Variants in SEC16A observed in about 807,000 individuals in gnomAD.
SEC16A encodes protein transport protein Sec16A.
Under a neutral mutation model 221.9 loss-of-function variants are expected in SEC16A, and 110 were observed. That is an observed-to-expected ratio of 0.50 (90% CI 0.42 to 0.58). The LOEUF (loss-of-function observed/expected upper bound fraction) is 0.58. Among genes scored for constraint, SEC16A ranks in the 20% least tolerant of loss-of-function variants. The pLI is 0.00. For missense variants in SEC16A, 3,165 were observed against 3,097.8 expected, an observed-to-expected ratio of 1.02 and a Z score of -0.52; for synonymous variants, 1,393 against 1,257.7, an observed-to-expected ratio of 1.11 and a Z score of -2.28.
At chr9:136,464,358 C>T in intron 9 of SEC16A, 62 bp downstream of exon 9, 1 of 1,496,108 alleles carries the variant, frequency 6.7e-7, no homozygotes, top group South Asian at 1.3e-5. Flanking sequence ...TGACAAACTG[C>T]AAAGCAGAGA....
In SEC16A at chr9:136,454,084, C is replaced by G. The variant is rs767578481; in HGVS notation, c.6076+25G>C. 2.9e-5 allele frequency: 45 copies of G among 1,540,274 alleles called. No homozygotes were observed. The Admixed American group carries it at 8.2e-4, about 28-fold the overall frequency. ...CCACACCCCATGCTGCTTCTGCTCT[C>G]GAGACAGCATCTCTGCAGCCCCACC... On this transcript the variant is annotated intron_variant, in intron 21 of 31. Transcript: ENST00000684901.
chr9:136,453,054 A>G (rs944677398), intron 22 of SEC16A, among the ~76,000 whole-genome samples: 1 of 147,574 alleles, frequency 6.8e-6, no homozygotes, highest in Non-Finnish European at 1.5e-5. Context: ...TGGGCGACAG[A>G]GCAAGAATCT....
intron 4 of SEC16A, among the ~76,000 whole-genome samples, chr9:136,471,371 G>A (rs142301806): frequency 2.2e-4 from 34 of 152,284 alleles, no homozygotes; most frequent in African/African-American, 7.7e-4. Context: ...CTCCTCGGGA[G>A]GTTGAAGTGG....
chr9:136,474,453 C>G lies in SEC16A; in HGVS notation c.3163G>C (p.Glu1055Gln), dbSNP rs553149111. 21 of 1,613,072 alleles carry G rather than the reference C, an allele frequency of 1.3e-5. No homozygotes were observed. In the East Asian group the frequency reaches 4.2e-4, roughly 33 times the overall value. The change falls in exon 3 of 32, where the codon GAA (glutamate) becomes CAA (glutamine). Residue 1055 changes from glutamate to glutamine, a missense_variant. By Grantham distance (29) the Glu-to-Gln change is conservative. This residue lies in a region of SEC16A where 2,030 missense variants were observed against 1,923.1 expected (regional missense o/e 1.06). Coordinates refer to ENST00000684901, the MANE Select transcript of SEC16A (RefSeq NM_014866.2). ...GGCACCAGCTCCTGCTGGGCTCTTT[C>G]GAGGCCAGGCTGGCCCTGGGCATCT... ...TKDAQGQPGLERAQQELVPPQ... is the reference protein window; with the variant it reads ...TKDAQGQPGLQRAQQELVPPQ...
intron 17 of SEC16A, among the ~76,000 whole-genome samples, chr9:136,458,790 G>A (rs1839076257): frequency 6.6e-6 from 1 of 152,060 alleles, no homozygotes; most frequent in Non-Finnish European, 1.5e-5. Context: ...AGTGTGGCAT[G>A]GTAGTGCTGC....
rs73670283 is a variant in SEC16A at position 136,470,621 on chromosome 9, G to A, written c.3704+1354C>T. ...CAGAGAGGTGAAGCCTCACAGTGCC[G>A]CCTGCTTCACAAAGCACCTCCAACA... On this transcript the variant is annotated intron_variant, in intron 4 of 31. Coordinates refer to ENST00000684901, the MANE Select transcript of SEC16A (RefSeq NM_014866.2). 2.5e-3 allele frequency among the ~76,000 whole-genome samples: 376 copies of A among 152,256 alleles called. 2 individuals carry two copies. Among genetic ancestry groups the A allele is most frequent in the African/African-American group, 8.6e-3 (359 of 41,538 alleles).
At chr9:136,457,010 A>T (rs918726554) in intron 18 of SEC16A, among the ~76,000 whole-genome samples, 1 of 152,102 alleles carries the variant, frequency 6.6e-6, no homozygotes, top group Non-Finnish European at 1.5e-5. Context: ...CATCTCTACT[A>T]AAAATACAAA....
At position 136,451,407 on chromosome 9, in the gene SEC16A, G is replaced by C. The variant is rs780177096; in HGVS notation, c.6161C>G (p.Thr2054Ser). ...ENFDGKFANLTPSRTVPDSEA... is the reference protein window; with the variant it reads ...ENFDGKFANLSPSRTVPDSEA... Reference sequence around the variant, plus strand: ...CGAGTCTGGCACCGTCCTCGAGGGGGTCTGTCGCAAGGAAATGCAGAACAG... The same window carrying C: ...CGAGTCTGGCACCGTCCTCGAGGGGCTCTGTCGCAAGGAAATGCAGAACAG... The change falls in exon 23 of 32, where the codon ACC (threonine) becomes AGC (serine). Residue 2054 changes from threonine (T) to serine (S), a missense_variant and splice_region_variant. This residue lies in a region of SEC16A where 1,088 missense variants were observed against 1,089.6 expected (regional missense o/e 1.00). Coordinates refer to ENST00000684901, the MANE Select transcript of SEC16A (RefSeq NM_014866.2). 6.3e-7 allele frequency: 1 copy of C among 1,598,302 alleles called. No individual in the cohort carries two copies. Among genetic ancestry groups the C allele is most frequent in the East Asian group, 2.2e-5 (1 of 44,780 alleles).
intron 22 of SEC16A, among the ~76,000 whole-genome samples, chr9:136,452,325 C>T (rs1241413532): frequency 6.6e-6 from 1 of 150,988 alleles, no homozygotes; most frequent in East Asian, 1.9e-4. Context: ...GTGGTGGGCG[C>T]CTGTAGTCCC....
chr9:136,476,891 G>T lies in SEC16A; in HGVS notation c.725C>A (p.Pro242His). The T allele has an allele frequency of 6.2e-7, 1 of 1,611,568 alleles. No homozygotes were observed. The highest frequency in any genetic ancestry group is 8.5e-7 in the Non-Finnish European group (1 of 1,179,548). The part of the protein sequence containing the change: ...CPEGPVPSGV[P>H]CATSVPHFPT... ...GAAATGAGGAACGCTGGTGGCACAG[G>T]GCACCCCGCTGGGAACAGGTCCTTC... Residue 242 changes from proline to histidine, a missense_variant, in exon 3 of 32, where the codon CCC becomes CAC. Physicochemically the swap from Pro to His is moderately conservative, Grantham distance 77. Coordinates refer to ENST00000684901, the MANE Select transcript of SEC16A (RefSeq NM_014866.2).
chr9:136,461,311 G>A (rs745697617), intron 12 of SEC16A, 37 bp from the exon 13 acceptor site: 44 of 1,483,358 alleles, frequency 3.0e-5, no homozygotes, highest in Admixed American at 5.8e-5. Flanking sequence ...GTGGGTTATC[G>A]GCGGCGCTCA....
intron 11 of SEC16A, 95 bp from the exon 12 acceptor site, chr9:136,463,227 C>T (rs1300172400): frequency 3.8e-5 from 57 of 1,513,082 alleles, no homozygotes; most frequent in Non-Finnish European, 5.0e-5. Context: ...CTGGACACAG[C>T]CAGACCCACA....
At chr9:136,442,733 G>T (rs2131686475) in intron 31 of SEC16A, among the ~76,000 whole-genome samples, 1 of 152,340 alleles carries the variant, frequency 6.6e-6, no homozygotes, top group East Asian at 1.9e-4. Flanking sequence ...GAACGGCCCT[G>T]GGGTCTCAGC....
chr9:136,455,852 C>T (rs961236101), intron 19 of SEC16A, 59 bp from the exon 20 acceptor site: 80 of 1,473,390 alleles, frequency 5.4e-5, no homozygotes, highest in Middle Eastern at 1.8e-4. Context: ...GCAGCGCTGC[C>T]CGCCTGCCAC....
intron 3 of SEC16A, 120 bp downstream of exon 3, chr9:136,473,929 G>A: frequency 9.1e-7 from 1 of 1,099,208 alleles, no homozygotes; most frequent in Non-Finnish European, 1.3e-6. Context: ...CACGCCTGCG[G>A]GACTGTGGGT....
chr9:136,481,255 C>G (rs1842312677), intron 1 of SEC16A, among the ~76,000 whole-genome samples: 1 of 151,426 alleles, frequency 6.6e-6, no homozygotes, highest in Admixed American at 6.6e-5. Context: ...CCTGCCTCAG[C>G]CTCCAGCGTA....
chr9:136,483,138 G>A (rs1842631712), upstream of SEC16A: 12 of 505,806 alleles, frequency 2.4e-5, 1 homozygote, highest in South Asian at 9.9e-4. Flanking sequence ...CGTCGGCCCA[G>A]ACGCGTTCTC....
In SEC16A at chr9:136,451,237, C is replaced by G. The variant is rs141837645; in HGVS notation, c.6312+19G>C. The G allele has an allele frequency of 1.2e-6, 2 of 1,605,282 alleles. No individual in the cohort carries two copies. Among genetic ancestry groups the G allele is most frequent in the Non-Finnish European group, 1.7e-6 (2 of 1,175,832 alleles). ...AAACCCTCCCGGCCGCCAGGCGCAC[C>G]GTGGGCAGGCTGTACTACCTTCTTA... On this transcript the variant is annotated intron_variant, in intron 23 of 31. Coordinates refer to ENST00000684901, the MANE Select transcript of SEC16A (RefSeq NM_014866.2).
chr9:136,463,300 C>T (rs189504033), intron 11 of SEC16A, among the ~76,000 whole-genome samples, 163 bp downstream of exon 11: 19 of 152,334 alleles, frequency 1.2e-4, no homozygotes, highest in Non-Finnish European at 2.5e-4. Flanking sequence ...CACGTTCCCT[C>T]TCCCTCCCTA....
Sources: gnomAD v4.1 joint callset for allele counts (sites outside exome capture counted in the v4.1 genomes callset) on GRCh38, gnomAD v4.1.1 for gene constraint, gnomAD v4.1.1 regional missense constraint, MANE v1.5 for transcripts, NCBI Gene and HGNC (gene_info 2026-07-23, HGNC 2026-07-21) for gene names.